The following CEP85L variants were observed in gnomAD, a reference collection of about 807,000 sequenced individuals.
The protein encoded by CEP85L is centrosomal protein of 85 kDa-like.
CEP85L carries 60 observed loss-of-function variants against 100.3 expected under a neutral mutation model. The observed-to-expected ratio is 0.60, with a 90% CI of 0.49 to 0.74. The LOEUF is 0.74. CEP85L is among the 30% of genes least tolerant of loss of function. The probability of loss-of-function intolerance (pLI) is 0.00; values close to 1 mark genes in which losing one functional copy is unlikely to be tolerated. For missense variants in CEP85L, 973 were observed against 936.2 expected (o/e 1.04, Z -0.51); for synonymous variants, 319 against 322.7 (o/e 0.99, Z 0.12).
rs532012842 is a variant in CEP85L at position 118,685,537 on chromosome 6, TA to T, written c.-28+24498del. Among the ~76,000 whole-genome samples, 40 of 152,072 alleles carry T rather than the reference TA, an allele frequency of 2.6e-4. No individual in the cohort carries two copies. In the East Asian group the frequency reaches 7.5e-3, roughly 29 times the overall value. On this transcript the variant is annotated intron_variant, in intron 1 of 13. Coordinates refer to the CEP85L transcript ENST00000368488. ...TTATTTAGTACAAGTAAACAAACTT[TA>T]AAAATACAACAACAAGATTTTTATT...
At chr6:118,624,980 A>G (rs1174699353) in intron 2 of CEP85L, among the ~76,000 whole-genome samples, 1 of 152,244 alleles carries the variant, frequency 6.6e-6, no homozygotes, top group Admixed American at 6.5e-5. Context: ...TAACAATCCA[A>G]CTAACTACTG....
chr6:118,500,465 G>A (rs1432612443), intron 5 of CEP85L, among the ~76,000 whole-genome samples: 2 of 152,208 alleles, frequency 1.3e-5, no homozygotes, highest in African/African-American at 2.4e-5. Context: ...CCTATTGTTC[G>A]AAGGATGCAG....
chr6:118,520,933 C>T (rs1310046023), intron 4 of CEP85L, among the ~76,000 whole-genome samples: 1 of 152,084 alleles, frequency 6.6e-6, no homozygotes, highest in Non-Finnish European at 1.5e-5. Flanking sequence ...CATTTAGGAA[C>T]AGTTTCTATA....
chr6:118,532,657 G>A (rs907691219), intron 3 of CEP85L, among the ~76,000 whole-genome samples: 2 of 152,068 alleles, frequency 1.3e-5, no homozygotes, highest in Non-Finnish European at 2.9e-5. Flanking sequence ...TTGAGATAGA[G>A]TATCTGAATC....
intron 12 of CEP85L, among the ~76,000 whole-genome samples, chr6:118,468,426 A>C (rs901704838): frequency 2.6e-5 from 4 of 152,182 alleles, no homozygotes; most frequent in Admixed American, 6.6e-5. Context: ...TAACATCCTG[A>C]TTTGGAACCA....
chr6:118,650,256 A>C (rs1775460273), intron 1 of CEP85L, among the ~76,000 whole-genome samples: 2 of 152,126 alleles, frequency 1.3e-5, no homozygotes, highest in African/African-American at 4.8e-5. Context: ...TGTCCATATA[A>C]CTCAGTTTCT....
chr6:118,497,948 TTATGAA>T (rs1209542840), intron 5 of CEP85L, among the ~76,000 whole-genome samples: 3 of 152,230 alleles, frequency 2.0e-5, no homozygotes, highest in Non-Finnish European at 4.4e-5. Flanking sequence ...ATACATATGC[TTATGAA>T]TAAGTGAAAT....
At chr6:118,490,573 T>A (rs1263811837) in intron 6 of CEP85L, among the ~76,000 whole-genome samples, 1 of 152,084 alleles carries the variant, frequency 6.6e-6, no homozygotes, top group East Asian at 1.9e-4. Flanking sequence ...AACCCTATGA[T>A]CCAGCAATTC....
At chr6:118,549,013 T>A (rs1393069400) in intron 3 of CEP85L, among the ~76,000 whole-genome samples, 2 of 151,972 alleles carry the variant, frequency 1.3e-5, no homozygotes, top group African/African-American at 4.8e-5. Context: ...TCTAAAAAAA[T>A]TCCATGCTAT....
At chr6:118,545,695 T>A (rs1778159698) in intron 3 of CEP85L, among the ~76,000 whole-genome samples, 1 of 152,212 alleles carries the variant, frequency 6.6e-6, no homozygotes, top group South Asian at 2.1e-4. Flanking sequence ...TGAAACTGAA[T>A]ACTAAATTTC....
intron 5 of CEP85L, among the ~76,000 whole-genome samples, chr6:118,497,909 T>C (rs766693299): frequency 6.6e-6 from 1 of 152,250 alleles, no homozygotes; most frequent in African/African-American, 2.4e-5. Flanking sequence ...ATCATTTATG[T>C]ATGTTTCTGT....
intron 2 of CEP85L, among the ~76,000 whole-genome samples, chr6:118,604,576 CGATG>C (rs1772050899): frequency 6.6e-6 from 1 of 152,154 alleles, no homozygotes; most frequent in Non-Finnish European, 1.5e-5. Context: ...TTACATGTTA[CGATG>C]TTAACTTTTA....
chr6:118,646,521 T>C (rs1235578852), intron 1 of CEP85L, among the ~76,000 whole-genome samples: 1 of 151,662 alleles, frequency 6.6e-6, no homozygotes, highest in Non-Finnish European at 1.5e-5. Context: ...TACAAAACAT[T>C]AGCCAGGTAT....
At chr6:118,640,145 A>G (rs915831464) in intron 1 of CEP85L, among the ~76,000 whole-genome samples, 6 of 152,240 alleles carry the variant, frequency 3.9e-5, no homozygotes, top group Admixed American at 3.3e-4. Context: ...CGTTCATATT[A>G]ACAGTAGCCA....
At chr6:118,491,655 G>A in intron 6 of CEP85L, 31 bp downstream of exon 6, 2 of 1,592,314 alleles carry the variant, frequency 1.3e-6, no homozygotes, top group Non-Finnish European at 1.7e-6. Flanking sequence ...AAATGTTGTT[G>A]ACCTAATTCA....
intron 5 of CEP85L, 44 bp downstream of exon 5, chr6:118,511,254 A>G: frequency 8.4e-7 from 1 of 1,184,390 alleles, no homozygotes; most frequent in South Asian, 1.2e-5. Flanking sequence ...TTATTAACAC[A>G]AGCTTTACTA....
intron 11 of CEP85L, among the ~76,000 whole-genome samples, chr6:118,470,310 A>C (rs1219421968): frequency 1.3e-5 from 2 of 152,088 alleles, no homozygotes; most frequent in East Asian, 3.8e-4. Flanking sequence ...CCAGCTAATA[A>C]ATATAATAAA....
At position 118,688,085 on chromosome 6, in the gene CEP85L, C is replaced by T. The variant is rs180868203; in HGVS notation, c.-28+21951G>A. Among the ~76,000 whole-genome samples, 8 of 152,156 alleles carry T rather than the reference C, an allele frequency of 5.3e-5. No individual in the cohort carries two copies. The East Asian group carries it at 1.4e-3, about 26-fold the overall frequency. On this transcript the variant is annotated intron_variant, in intron 1 of 13. Coordinates refer to the CEP85L transcript ENST00000368488. ...GCTTGCCACCATCTTGGAAGCGGCC[C>T]GTCGCCATCTTGGAAGCGGCTTGCC...
intron 5 of CEP85L, among the ~76,000 whole-genome samples, chr6:118,509,421 C>G (rs1269921050): frequency 1.3e-5 from 2 of 152,038 alleles, no homozygotes; most frequent in Non-Finnish European, 2.9e-5. Context: ...ATTCTCAGTA[C>G]TCATTATAAA....
Sources: gnomAD v4.1 joint callset for allele counts (sites outside exome capture counted in the v4.1 genomes callset) on GRCh38, gnomAD v4.1.1 for gene constraint, MANE v1.5 for transcripts, NCBI Gene and HGNC (gene_info 2026-07-23, HGNC 2026-07-21) for gene names.